Variants in UNC5C observed in about 807,000 individuals in gnomAD.
UNC5C encodes unc-5 netrin receptor C, also known as netrin receptor UNC5C.
In UNC5C, 47 loss-of-function variants were observed where a neutral mutation model predicts 99.8. That is an observed-to-expected ratio of 0.47 (90% CI 0.37 to 0.60). The LOEUF is 0.60. Among genes scored for constraint, UNC5C ranks in the 20% least tolerant of loss-of-function variants. The probability of loss-of-function intolerance (pLI) is 0.00; values close to 1 mark genes in which losing one functional copy is unlikely to be tolerated. For synonymous variants in UNC5C, 487 were observed against 452.2 expected (o/e 1.08, Z -0.98); for missense variants, 1,062 against 1,165.9 (o/e 0.91, Z 1.30).
At chr4:95,199,944 G>A (rs1316043754) in intron 12 of UNC5C, among the ~76,000 whole-genome samples, 1 of 152,182 alleles carries the variant, frequency 6.6e-6, no homozygotes, top group Non-Finnish European at 1.5e-5. Context: ...TTAGAGCTGT[G>A]TGTTCACAAC....
chr4:95,396,675 T>C (rs1745520472), intron 1 of UNC5C, among the ~76,000 whole-genome samples: 1 of 152,246 alleles, frequency 6.6e-6, no homozygotes, highest in Non-Finnish European at 1.5e-5. Context: ...CCCAATCGAA[T>C]GGTGCTTTTC....
At chr4:95,201,870 C>G (rs952020987) in intron 12 of UNC5C, among the ~76,000 whole-genome samples, 2 of 152,184 alleles carry the variant, frequency 1.3e-5, no homozygotes, top group Non-Finnish European at 2.9e-5. Context: ...TCCCAAAGTG[C>G]TAGGATTACA....
At chr4:95,449,217 G>A (rs1420424016) in intron 1 of UNC5C, among the ~76,000 whole-genome samples, 1 of 152,138 alleles carries the variant, frequency 6.6e-6, no homozygotes, top group African/African-American at 2.4e-5. Flanking sequence ...AACCAGTTAA[G>A]CCCTCAACTT....
At chr4:95,515,610 A>G (rs1028382104) in intron 1 of UNC5C, among the ~76,000 whole-genome samples, 1 of 152,236 alleles carries the variant, frequency 6.6e-6, no homozygotes, top group African/African-American at 2.4e-5. Context: ...AGCATGGATA[A>G]TGCAGCTAAA....
intron 2 of UNC5C, among the ~76,000 whole-genome samples, chr4:95,323,665 C>T (rs868209143): frequency 7.9e-5 from 12 of 152,186 alleles, no homozygotes; most frequent in Admixed American, 5.9e-4. Context: ...TTTCCTAAAT[C>T]ATCTCCTGGT....
chr4:95,464,622 T>G (rs889983611), intron 1 of UNC5C, among the ~76,000 whole-genome samples: 1 of 152,206 alleles, frequency 6.6e-6, no homozygotes, highest in Non-Finnish European at 1.5e-5. Context: ...GATGATAATT[T>G]CCGAACATCA....
At chr4:95,294,917 C>G (rs1400739493) in intron 3 of UNC5C, among the ~76,000 whole-genome samples, 1 of 152,144 alleles carries the variant, frequency 6.6e-6, no homozygotes, top group Non-Finnish European at 1.5e-5. Context: ...GTTGATGAAA[C>G]TAAGGCTCCC....
chr4:95,178,201 C>T (rs1176547735), intron 14 of UNC5C, among the ~76,000 whole-genome samples: 1 of 152,182 alleles, frequency 6.6e-6, no homozygotes, highest in Non-Finnish European at 1.5e-5. Flanking sequence ...AGTCTGAGCA[C>T]CACTCACTAG....
chr4:95,176,420 T>C (rs1442277203), intron 14 of UNC5C, among the ~76,000 whole-genome samples: 3 of 152,026 alleles, frequency 2.0e-5, no homozygotes, highest in East Asian at 3.9e-4. Flanking sequence ...GATGGGTTTT[T>C]GGTGTGGATG....
At position 95,399,410 on chromosome 4, in the gene UNC5C, T is replaced by C. The variant is rs141435673; in HGVS notation, c.125-63779A>G. On this transcript the variant is annotated intron_variant, in intron 1 of 15. Transcript: ENST00000453304. ...TGAGGATTTTTAAAAATGCAAAAGA[T>C]TGTTTCTCCTTTAGTGATTTTCAAA... Among the ~76,000 whole-genome samples the C allele has an allele frequency of 3.5e-3, 530 of 152,302 alleles. 3 individuals are homozygous for C. The highest frequency in any genetic ancestry group is 0.012 in the African/African-American group (509 of 41,568).
intron 7 of UNC5C, among the ~76,000 whole-genome samples, chr4:95,226,192 G>T (rs113591942): frequency 0.016 from 2,361 of 152,318 alleles, 20 homozygotes; most frequent in Middle Eastern, 0.031. Context: ...CTACTTCAAA[G>T]TAAGGTGGGC....
intron 14 of UNC5C, among the ~76,000 whole-genome samples, chr4:95,173,365 T>C (rs1156997425): frequency 1.4e-5 from 2 of 143,704 alleles, no homozygotes; most frequent in Non-Finnish European, 3.1e-5. Flanking sequence ...CAGTATGATA[T>C]TGGCTGTGGG....
At chr4:95,267,932 G>A (rs1411642787) in intron 4 of UNC5C, among the ~76,000 whole-genome samples, 2 of 145,182 alleles carry the variant, frequency 1.4e-5, no homozygotes, top group East Asian at 4.1e-4. Flanking sequence ...ATATGATCCT[G>A]TAGGCTGAAT....
intron 2 of UNC5C, among the ~76,000 whole-genome samples, chr4:95,330,397 G>A (rs1050319336): frequency 6.6e-6 from 1 of 151,994 alleles, no homozygotes; most frequent in African/African-American, 2.4e-5. Context: ...CTTAATGTAA[G>A]TCATGATATC....
intron 1 of UNC5C, among the ~76,000 whole-genome samples, chr4:95,416,786 A>G (rs1016209514): frequency 9.9e-5 from 15 of 152,200 alleles, no homozygotes; most frequent in African/African-American, 3.6e-4. Context: ...CTTCTTGAAA[A>G]AGTCAGAATT....
At chr4:95,515,417 C>A (rs919014306) in intron 1 of UNC5C, among the ~76,000 whole-genome samples, 4 of 152,090 alleles carry the variant, frequency 2.6e-5, no homozygotes, top group African/African-American at 9.7e-5. Flanking sequence ...ATCTGCACAG[C>A]CCTATAGTCT....
intron 7 of UNC5C, among the ~76,000 whole-genome samples, chr4:95,234,375 G>T (rs551462848): frequency 8.2e-6 from 1 of 122,504 alleles, no homozygotes; most frequent in African/African-American, 3.1e-5. Context: ...ACGCCAAATC[G>T]CTTACCTTTT....
At chr4:95,470,529 G>A (rs961477978) in intron 1 of UNC5C, among the ~76,000 whole-genome samples, 1 of 152,062 alleles carries the variant, frequency 6.6e-6, no homozygotes, top group Admixed American at 6.6e-5. Context: ...CCCACCTTGA[G>A]TAGCTCTAGT....
At chr4:95,357,984 C>T (rs1432601974) in intron 1 of UNC5C, among the ~76,000 whole-genome samples, 1 of 152,106 alleles carries the variant, frequency 6.6e-6, no homozygotes, top group African/African-American at 2.4e-5. Flanking sequence ...AATACTCTGC[C>T]TCACTTGATC....
Sources: allele counts gnomAD v4.1 joint callset (sites outside exome capture counted in the v4.1 genomes callset), GRCh38; gene constraint gnomAD v4.1.1; transcripts MANE v1.5; gene names NCBI Gene and HGNC (gene_info 2026-07-23, HGNC 2026-07-21).